Variants in EFCAB5 observed in about 807,000 individuals in gnomAD.
EFCAB5 encodes the protein EF-hand calcium-binding domain-containing protein 5.
In EFCAB5, 131 loss-of-function variants were observed where a neutral mutation model predicts 167.9. That is an observed-to-expected ratio of 0.78 (90% confidence interval 0.68 to 0.90). The LOEUF (loss-of-function observed/expected upper bound fraction) is 0.90, where lower values mean the gene tolerates loss of function less well. Ranked by LOEUF, EFCAB5 falls within the 40% of genes least tolerant of loss-of-function variation. The probability of loss-of-function intolerance (pLI) is 0.00; values close to 1 mark genes in which losing one functional copy is unlikely to be tolerated. For synonymous variants in EFCAB5, 574 were observed against 602.8 expected (o/e 0.95, Z 0.70); for missense variants, 1,663 against 1,745.2 (o/e 0.95, Z 0.84).
chr17:30,068,675 T>G lies in EFCAB5; in HGVS notation c.2737+8974T>G, dbSNP rs568129042. 6.3e-5 allele frequency: 99 copies of G among 1,565,852 alleles called. 1 individual carries two copies. In the African/African-American group the frequency reaches 1.3e-3, roughly 20 times the overall value. On this transcript the variant is annotated intron_variant, in intron 14 of 22. Transcript: ENST00000394835. ...CTATTCCGGGCCAGCGTCAAGACCG[T>G]GAAGACGCAGAACAAGGCACTGGGA...
intron 3 of EFCAB5, among the ~76,000 whole-genome samples, chr17:29,956,379 A>G (rs2067615569): frequency 6.6e-6 from 1 of 152,206 alleles, no homozygotes; most frequent in Admixed American, 6.5e-5. Context: ...ACATTTATGG[A>G]CACAAAAAGG....
chr17:30,049,510 A>C (rs556149749), intron 8 of EFCAB5, among the ~76,000 whole-genome samples: 2 of 152,174 alleles, frequency 1.3e-5, no homozygotes, highest in South Asian at 2.1e-4. Flanking sequence ...AACAAACAAA[A>C]AAAAAACAAA....
chr17:30,092,445 T>C (rs918663886), intron 21 of EFCAB5, among the ~76,000 whole-genome samples: 1 of 152,142 alleles, frequency 6.6e-6, no homozygotes, highest in Non-Finnish European at 1.5e-5. Context: ...TGGAGTGCGA[T>C]GGCGCTATCT....
At chr17:30,013,812 C>T (rs1211479788) in intron 7 of EFCAB5, among the ~76,000 whole-genome samples, 1 of 152,204 alleles carries the variant, frequency 6.6e-6, no homozygotes, top group East Asian at 1.9e-4. Flanking sequence ...TTCAATTCTG[C>T]TCTGATCTTA....
chr17:30,100,496 G>A (rs1259812719), intron 22 of EFCAB5, among the ~76,000 whole-genome samples: 1 of 152,168 alleles, frequency 6.6e-6, no homozygotes, highest in East Asian at 1.9e-4. Flanking sequence ...GGCCGGGCGT[G>A]GTGGCTCACG....
intron 7 of EFCAB5, among the ~76,000 whole-genome samples, chr17:30,026,043 T>C (rs1001835357): frequency 1.3e-5 from 2 of 151,814 alleles, no homozygotes; most frequent in African/African-American, 4.8e-5. Flanking sequence ...GGGGGAGGGA[T>C]AGCATTAGGA....
At chr17:29,996,280 T>C in intron 5 of EFCAB5, 32 bp from the exon 6 acceptor site, 5 of 1,526,124 alleles carry the variant, frequency 3.3e-6, no homozygotes, top group Non-Finnish European at 4.4e-6. Context: ...TGGCATATGG[T>C]TTCTTTCTTT....
intron 3 of EFCAB5, among the ~76,000 whole-genome samples, chr17:29,947,159 C>T (rs534626405): frequency 2.1e-5 from 3 of 141,338 alleles, no homozygotes; most frequent in Non-Finnish European, 4.5e-5. Context: ...GACAACAGAG[C>T]GAGACTCCAT....
chr17:30,015,060 C>T (rs11867293), intron 7 of EFCAB5, among the ~76,000 whole-genome samples: 1 of 152,132 alleles, frequency 6.6e-6, no homozygotes, highest in Non-Finnish European at 1.5e-5. Flanking sequence ...ACTTATGAAG[C>T]TTAGTTTGGC....
chr17:30,107,064 T>C (rs928047847), intron 22 of EFCAB5, among the ~76,000 whole-genome samples: 6 of 152,238 alleles, frequency 3.9e-5, no homozygotes, highest in South Asian at 2.1e-4. Context: ...AGTCTTTCCA[T>C]TGGACAGAAC....
chr17:30,032,117 A>G (rs772372425), intron 7 of EFCAB5, among the ~76,000 whole-genome samples: 1 of 152,228 alleles, frequency 6.6e-6, no homozygotes, highest in Admixed American at 6.5e-5. Context: ...CTAAAGTGGA[A>G]CATGATTTTT....
intron 4 of EFCAB5, among the ~76,000 whole-genome samples, chr17:29,989,437 A>T (rs960207037): frequency 6.6e-6 from 1 of 152,248 alleles, no homozygotes; most frequent in African/African-American, 2.4e-5. Flanking sequence ...ACACTTTCCA[A>T]TGAAAACACT....
intron 15 of EFCAB5, 130 bp downstream of exon 15, chr17:30,078,634 T>C (rs997240155): frequency 1.7e-6 from 2 of 1,151,288 alleles, no homozygotes; most frequent in African/African-American, 3.1e-5. Context: ...ATTTTATTCA[T>C]TCCAGTCCAT....
intron 7 of EFCAB5, among the ~76,000 whole-genome samples, chr17:30,007,969 T>A (rs2068807499): frequency 6.6e-6 from 1 of 151,946 alleles, no homozygotes; most frequent in Admixed American, 6.6e-5. Context: ...GGCAACAGAG[T>A]GAGACCCTGT....
Position 30,102,219 on chromosome 17 carries a change from A to G in EFCAB5, c.4322-5615A>G, listed in dbSNP as rs144165937. On this transcript the variant is annotated intron_variant, in intron 22 of 22. Coordinates refer to ENST00000394835, the MANE Select transcript of EFCAB5 (RefSeq NM_198529.4). ...TGGAAGTTGCCTTCTGATTGTGTCA[A>G]TCTTACAGAGAAGCTGAAAGCAGAG... Among the ~76,000 whole-genome samples, 618 of 152,242 alleles carry G rather than the reference A, an allele frequency of 4.1e-3. 4 individuals are homozygous for G. The highest frequency in any genetic ancestry group is 0.013 in the African/African-American group (550 of 41,540).
At chr17:29,936,218 A>T (rs546991469) in intron 1 of EFCAB5, among the ~76,000 whole-genome samples, 1 of 152,174 alleles carries the variant, frequency 6.6e-6, no homozygotes, top group South Asian at 2.1e-4. Flanking sequence ...AAAAAACCAA[A>T]CACCTCATGT....
At chr17:30,054,767 A>G (rs557145501) in intron 10 of EFCAB5, among the ~76,000 whole-genome samples, 2 of 152,328 alleles carry the variant, frequency 1.3e-5, no homozygotes, top group East Asian at 3.9e-4. Flanking sequence ...ACTGTGCACC[A>G]TTCTGAGTAG....
At chr17:29,989,932 C>T (rs1222868503) in intron 4 of EFCAB5, among the ~76,000 whole-genome samples, 2 of 152,090 alleles carry the variant, frequency 1.3e-5, no homozygotes, top group African/African-American at 2.4e-5. Flanking sequence ...TTCCTACAAA[C>T]CTTGCGAATT....
chr17:30,105,560 T>C (rs1461648297), intron 22 of EFCAB5, among the ~76,000 whole-genome samples: 1 of 152,154 alleles, frequency 6.6e-6, no homozygotes, highest in Non-Finnish European at 1.5e-5. Flanking sequence ...GCACCTTCAA[T>C]ATTTTAAGTA....
Sources: allele counts gnomAD v4.1 joint callset (sites outside exome capture counted in the v4.1 genomes callset), GRCh38; gene constraint gnomAD v4.1.1; transcripts MANE v1.5; gene names NCBI Gene and HGNC (gene_info 2026-07-23, HGNC 2026-07-21).